Variants in NWD1 observed in about 807,000 individuals in gnomAD.
NWD1 encodes the protein NACHT and WD repeat domain containing 1, also known as NACHT domain- and WD repeat-containing protein 1.
Under a neutral mutation model 135.1 loss-of-function variants are expected in NWD1, and 129 were observed. The ratio of observed to expected loss-of-function variants is 0.96; its 90% CI spans 0.83 to 1.11. NWD1 has a LOEUF of 1.11. Among genes scored for constraint, NWD1 ranks in the 50% least tolerant of loss-of-function variants. NWD1 has a pLI of 0.00. For missense variants in NWD1, 1,740 were observed against 1,851.3 expected (o/e 0.94, Z 1.10); for synonymous variants, 773 against 786.0 (o/e 0.98, Z 0.28).
In NWD1 at chr19:16,789,040, G is replaced by A. The variant is rs1328416457; in HGVS notation, c.2790G>A (p.Lys930=). ...AKGTLANSAS[K]DYTLHLWNLL... ...GGACCCTCGCCAACTCTGCTTCAAA[G>A]GATTACACGCTGCACTTGTGGAACT... The change falls in exon 13 of 19, where the codon AAG becomes AAA. Residue 930 remains lysine (K), a synonymous_variant. Transcript: ENST00000524140. 1.2e-6 allele frequency: 2 copies of A among 1,613,058 alleles called. No individual in the cohort carries two copies. Among genetic ancestry groups the A allele is most frequent in the African/African-American group, 1.3e-5 (1 of 74,896 alleles).
chr19:16,761,344 T>TTCTCTC, intron 7 of NWD1, among the ~76,000 whole-genome samples: 7 of 148,546 alleles, frequency 4.7e-5, no homozygotes, highest in African/African-American at 1.8e-4. Context: ...CCTGTTCCCT[T>TTCTCTC]TCTTTCTCTT....
intron 9 of NWD1, 138 bp downstream of exon 9, chr19:16,764,083 T>C (rs941278992): frequency 1.6e-6 from 1 of 609,422 alleles, no homozygotes; most frequent in Non-Finnish European, 3.0e-6. Context: ...CAAGGGGCAA[T>C]TCTACACCCA....
chr19:16,798,905 C>T (rs1045722538), intron 16 of NWD1, among the ~76,000 whole-genome samples: 1 of 150,894 alleles, frequency 6.6e-6, no homozygotes, highest in Non-Finnish European at 1.5e-5. Context: ...GGATTACAGG[C>T]GTGAGCCACC....
chr19:16,797,164 A>C (rs1337348862), intron 15 of NWD1, among the ~76,000 whole-genome samples: 1 of 149,910 alleles, frequency 6.7e-6, no homozygotes, highest in Non-Finnish European at 1.5e-5. Context: ...TCAGTGACAG[A>C]GCGAGACTCC....
In NWD1 at chr19:16,807,933, G is replaced by A. The variant is rs142675754; in HGVS notation, c.4084G>A (p.Val1362Met). 78 of 1,613,956 alleles carry A rather than the reference G, an allele frequency of 4.8e-5. No homozygotes were observed. Among genetic ancestry groups the A allele is most frequent in the Non-Finnish European group, 5.5e-5 (65 of 1,180,002 alleles). Residue 1362 changes from valine to methionine, a missense_variant, in exon 18 of 19, where the codon GTG (valine) becomes ATG (methionine). Coordinates refer to ENST00000524140, the MANE Select transcript of NWD1 (RefSeq NM_001007525.5). Reference protein sequence around the residue: ...SSVAILTDYRVVYSMTNGDLF... With the variant: ...SSVAILTDYRMVYSMTNGDLF... Reference sequence around the variant, plus strand: ...CGTGGCCATTCTGACGGACTACCGCGTGGTCTACAGCATGACCAATGGGGA... The same window carrying A: ...CGTGGCCATTCTGACGGACTACCGCATGGTCTACAGCATGACCAATGGGGA...
intron 14 of NWD1, among the ~76,000 whole-genome samples, chr19:16,793,378 C>T (rs556655855): frequency 5.9e-5 from 9 of 151,856 alleles, no homozygotes; most frequent in African/African-American, 1.2e-4. Context: ...GGACTACAGG[C>T]GCATGCCCCC....
chr19:16,803,830 C>T (rs942787959), intron 17 of NWD1, among the ~76,000 whole-genome samples: 1 of 150,092 alleles, frequency 6.7e-6, no homozygotes, highest in African/African-American at 2.5e-5. Context: ...GAGGCTGAGG[C>T]AGGATAATTG....
chr19:16,796,077 G>A (rs529842836), intron 15 of NWD1, among the ~76,000 whole-genome samples: 85 of 152,274 alleles, frequency 5.6e-4, no homozygotes, highest in Non-Finnish European at 1.0e-3. Flanking sequence ...GAGTCTGGGC[G>A]TTTTTATAGG....
chr19:16,753,122 G>T (rs1386898164), intron 6 of NWD1, among the ~76,000 whole-genome samples: 1 of 152,182 alleles, frequency 6.6e-6, no homozygotes, highest in African/African-American at 2.4e-5. Context: ...AATCAGAGCA[G>T]CTTCTCCTTC....
intron 13 of NWD1, among the ~76,000 whole-genome samples, chr19:16,789,396 G>C (rs1329326180): frequency 6.6e-6 from 1 of 152,138 alleles, no homozygotes; most frequent in African/African-American, 2.4e-5. Context: ...CTGACCCCAA[G>C]ATTTGAAACC....
chr19:16,733,846 A>G (rs969413070), intron 3 of NWD1, among the ~76,000 whole-genome samples: 2 of 151,770 alleles, frequency 1.3e-5, no homozygotes, highest in Admixed American at 1.3e-4. Context: ...CTGGCTCCTG[A>G]CCCCTTTTCC....
intron 13 of NWD1, 72 bp from the exon 14 acceptor site, chr19:16,791,278 G>A (rs2123052699): frequency 3.0e-6 from 4 of 1,351,180 alleles, no homozygotes; most frequent in East Asian, 2.3e-5. Flanking sequence ...AAGGCATCTT[G>A]CATTTGACTC....
At chr19:16,788,689 T>C (rs1970140046) in intron 12 of NWD1, among the ~76,000 whole-genome samples, 1 of 152,158 alleles carries the variant, frequency 6.6e-6, no homozygotes, top group South Asian at 2.1e-4. Context: ...GCAGATGTAT[T>C]TTTTCTGTAA....
chr19:16,763,306 C>A (rs1969091304), intron 8 of NWD1, among the ~76,000 whole-genome samples: 1 of 152,110 alleles, frequency 6.6e-6, no homozygotes. Flanking sequence ...TTGTCTAAAA[C>A]CTTCCATAGC....
intron 4 of NWD1, among the ~76,000 whole-genome samples, chr19:16,740,707 A>G (rs1405930851): frequency 1.3e-5 from 2 of 149,922 alleles, no homozygotes; most frequent in East Asian, 3.9e-4. Context: ...CCTAAGCTCA[A>G]GTGATCTGCC....
chr19:16,749,876 A>G lies in NWD1; in HGVS notation c.1234A>G (p.Arg412Gly), dbSNP rs770103468. 6 of 1,613,206 alleles carry G rather than the reference A, an allele frequency of 3.7e-6. No homozygotes were observed. In the East Asian group the frequency reaches 8.9e-5, roughly 24 times the overall value. The change falls in exon 6 of 19, where the codon AGG becomes GGG. Residue 412 changes from arginine (R) to glycine (G), a missense_variant. Physicochemically the swap from Arg to Gly is moderately radical, Grantham distance 125 (BLOSUM62 -2). Coordinates refer to ENST00000524140, the MANE Select transcript of NWD1 (RefSeq NM_001007525.5). ...PPAQVLDAHT[R>G]VVQFFHTLLH... is the part of the protein sequence containing the mutation. ...TGCCCAGGTTCTGGACGCCCACACC[A>G]GGGTGGTCCAGTTTTTCCATACCCT... is the stretch of plus-strand genomic sequence containing the variant.
Position 16,771,517 on chromosome 19 carries a change from T to G in NWD1, c.2411-1609T>G, listed in dbSNP as rs547930883. Among the ~76,000 whole-genome samples, 4 of 152,226 alleles carry G rather than the reference T, an allele frequency of 2.6e-5. No homozygotes were observed. In the East Asian group the frequency reaches 7.7e-4, roughly 29 times the overall value. ...CCAAACAACTGGAATTTAAGGCAAC[T>G]GGAAAGAAAAATAACGCGAGAGGCG... On this transcript the variant is annotated intron_variant, in intron 10 of 18. Transcript: ENST00000524140.
chr19:16,814,903 T>C, intron 18 of NWD1, 125 bp from the exon 19 acceptor site: 1 of 761,638 alleles, frequency 1.3e-6, no homozygotes, highest in Non-Finnish European at 2.2e-6. Flanking sequence ...GCATAATAAA[T>C]GTCATGCCAA....
At chr19:16,799,701 T>C (rs1489790982) in intron 16 of NWD1, among the ~76,000 whole-genome samples, 185 bp from the exon 17 acceptor site, 3 of 151,836 alleles carry the variant, frequency 2.0e-5, no homozygotes, top group African/African-American at 7.3e-5. Flanking sequence ...AGAGATGGGG[T>C]TTCTCCATGT....
Sources: allele counts gnomAD v4.1 joint callset (sites outside exome capture counted in the v4.1 genomes callset), GRCh38; gene constraint gnomAD v4.1.1; transcripts MANE v1.5; gene names NCBI Gene and HGNC (gene_info 2026-07-23, HGNC 2026-07-21).